The following DCT variants were observed in gnomAD, a reference collection of about 807,000 sequenced individuals.
DCT encodes L-dopachrome tautomerase.
A neutral mutation model predicts 53.0 loss-of-function variants in DCT; 47 were observed. The ratio of observed to expected loss-of-function variants is 0.89; its 90% confidence interval spans 0.70 to 1.13. The LOEUF is 1.13. Among genes scored for constraint, DCT ranks in the 50% most tolerant of loss-of-function variants. The probability of loss-of-function intolerance (pLI) is 0.00; values close to 1 mark genes in which losing one functional copy is unlikely to be tolerated. For missense variants in DCT, 669 were observed against 637.4 expected, an observed-to-expected ratio of 1.05 and a Z score of -0.53; for synonymous variants, 244 against 237.0, an observed-to-expected ratio of 1.03 and a Z score of -0.27.
At chr13:94,511,591 C>T in the DCT span, among the ~76,000 whole-genome samples, 25 of 152,060 alleles carry the variant, frequency 1.6e-4, no homozygotes, top group Admixed American at 1.0e-3. Flanking sequence ...AACTCCTGAC[C>T]TCAAGTGATC....
chr13:94,493,113 C>T, the DCT span, among the ~76,000 whole-genome samples: 2 of 152,042 alleles, frequency 1.3e-5, no homozygotes, highest in South Asian at 4.2e-4. Context: ...TGCAACATGA[C>T]CCCGAAGAAA....
chr13:94,548,018 G>A, the DCT span, among the ~76,000 whole-genome samples: 2 of 140,464 alleles, frequency 1.4e-5, no homozygotes, highest in African/African-American at 2.9e-5. Context: ...CTCTGGGTGA[G>A]GACCCACTGC....
the DCT span, among the ~76,000 whole-genome samples, chr13:94,487,285 A>T: frequency 6.6e-6 from 1 of 152,238 alleles, no homozygotes; most frequent in Admixed American, 6.5e-5. Context: ...AGAGTAGAAA[A>T]GTGCCTTATT....
At chr13:94,534,618 A>T in the DCT span, among the ~76,000 whole-genome samples, 1 of 152,240 alleles carries the variant, frequency 6.6e-6, no homozygotes, top group Non-Finnish European at 1.5e-5. Flanking sequence ...GTGGACCCTG[A>T]TCATAAGTCA....
intron 4 of DCT, among the ~76,000 whole-genome samples, chr13:94,463,900 C>T (rs952439227): frequency 2.0e-5 from 3 of 152,116 alleles, no homozygotes; most frequent in Non-Finnish European, 4.4e-5. Context: ...ATGGGATGTC[C>T]GGTGAAGTAA....
rs1884426078 is a variant in DCT, at chr13:94,468,975, T to C, written c.366A>G (p.Lys122=). ...GGATGTTCTGCCGAATCACTGGTGGTTTCTTCCGCTCGCAGTTGGGACCGG... is the reference window on the plus strand; with the variant it reads ...GGATGTTCTGCCGAATCACTGGTGGCTTCTTCCGCTCGCAGTTGGGACCGG... ...GWTGPNCERK[K]PPVIRQNIHS... is the part of the protein sequence containing the mutation. Residue 122 remains lysine, a synonymous_variant, in exon 2 of 8, where the codon AAA becomes AAG. Coordinates refer to ENST00000377028, the MANE Select transcript of DCT (RefSeq NM_001922.5). 6.2e-7 allele frequency: 1 copy of C among 1,614,022 alleles called. No individual in the cohort carries two copies. The highest frequency in any genetic ancestry group is 1.3e-5 in the African/African-American group (1 of 74,914).
chr13:94,534,016 C>T, the DCT span, among the ~76,000 whole-genome samples: 2 of 152,206 alleles, frequency 1.3e-5, no homozygotes, highest in African/African-American at 4.8e-5. Context: ...ACACTTACTA[C>T]ACCTGTGATG....
intron 1 of DCT, among the ~76,000 whole-genome samples, chr13:94,476,731 G>T (rs1462105745): frequency 6.6e-6 from 1 of 152,082 alleles, no homozygotes; most frequent in Non-Finnish European, 1.5e-5. Context: ...CAAAGTGCTT[G>T]GCTCCCAAAG....
chr13:94,490,144 A>T, the DCT span, among the ~76,000 whole-genome samples: 25 of 152,296 alleles, frequency 1.6e-4, no homozygotes, highest in African/African-American at 5.8e-4. Context: ...AATCTTTTTC[A>T]AAAATTTCTT....
At chr13:94,454,709 C>T (rs1353685088) in intron 6 of DCT, among the ~76,000 whole-genome samples, 3 of 152,154 alleles carry the variant, frequency 2.0e-5, no homozygotes, top group Non-Finnish European at 4.4e-5. Context: ...TGAATTGCCT[C>T]ATGAATTTGA....
At chr13:94,511,825 AGTGTGTGTGTGTGTGTGTGT>A in the DCT span, among the ~76,000 whole-genome samples, 92 of 143,814 alleles carry the variant, frequency 6.4e-4, no homozygotes, top group African/African-American at 2.2e-3. Flanking sequence ...CAGCATTGTC[AGTGTGTGTGTGTGTGTGTGT>A]GTGTGTGTGT....
At chr13:94,509,411 C>T in the DCT span, among the ~76,000 whole-genome samples, 4 of 151,586 alleles carry the variant, frequency 2.6e-5, no homozygotes, top group Non-Finnish European at 4.4e-5. Flanking sequence ...TCTCCCCCCA[C>T]ACCATCACCC....
At chr13:94,501,032 TG>T in the DCT span, among the ~76,000 whole-genome samples, 1 of 152,044 alleles carries the variant, frequency 6.6e-6, no homozygotes, top group African/African-American at 2.4e-5. Flanking sequence ...TTTGGGAGGC[TG>T]AGGCGGGCAG....
In DCT at chr13:94,439,744, G is replaced by T; in HGVS notation, c.*154C>A. The T allele has an allele frequency of 1.8e-6, 1 of 558,568 alleles. No individual in the cohort carries two copies. Among genetic ancestry groups the T allele is most frequent in the Non-Finnish European group, 3.0e-6 (1 of 333,480 alleles). 34.6% of individuals were successfully genotyped at this position (558,568 alleles called of 1,614,324 possible). ...ACAAGCAAGCAAAGCGGAAACTACAGCTAAGCATCTTCTGAATGAGATCAT... is the reference window on the plus strand; with the variant it reads ...ACAAGCAAGCAAAGCGGAAACTACATCTAAGCATCTTCTGAATGAGATCAT... On this transcript the variant is annotated 3_prime_UTR_variant, in exon 8 of 8. Coordinates refer to ENST00000377028, the MANE Select transcript of DCT (RefSeq NM_001922.5).
At chr13:94,472,640 G>A (rs1354630970) in intron 1 of DCT, among the ~76,000 whole-genome samples, 9 of 128,828 alleles carry the variant, frequency 7.0e-5, no homozygotes, top group Non-Finnish European at 1.2e-4. Flanking sequence ...GGAGTGCAGT[G>A]ACGTGATCTC....
chr13:94,541,609 T>C, the DCT span, among the ~76,000 whole-genome samples: 1 of 152,234 alleles, frequency 6.6e-6, no homozygotes, highest in Admixed American at 6.5e-5. Context: ...CTGTGGTTTT[T>C]GCAACTTTAA....
the DCT span, among the ~76,000 whole-genome samples, chr13:94,529,553 C>T: frequency 3.9e-5 from 6 of 152,088 alleles, no homozygotes; most frequent in Admixed American, 1.3e-4. Flanking sequence ...GCGTAAATAA[C>T]GAAATGAAGG....
At chr13:94,509,741 A>G in the DCT span, among the ~76,000 whole-genome samples, 4 of 152,188 alleles carry the variant, frequency 2.6e-5, no homozygotes, top group Non-Finnish European at 5.9e-5. Flanking sequence ...CCCATCTTCT[A>G]GAAGTGCTGT....
intron 4 of DCT, among the ~76,000 whole-genome samples, chr13:94,463,931 T>C (rs1288555770): frequency 1.3e-5 from 2 of 152,174 alleles, no homozygotes; most frequent in Admixed American, 6.5e-5. Context: ...GTTAGGCTCC[T>C]CTTGAAAAAG....
Sources: gnomAD v4.1 joint callset for allele counts (sites outside exome capture counted in the v4.1 genomes callset) on GRCh38, gnomAD v4.1.1 for gene constraint, MANE v1.5 for transcripts, NCBI Gene and HGNC (gene_info 2026-07-23, HGNC 2026-07-21) for gene names.